UNC13B: variants seen among roughly 807,000 people sequenced by gnomAD.
UNC13B encodes protein unc-13 homolog B.
UNC13B carries 144 observed loss-of-function variants against 211.0 expected under a neutral mutation model. The ratio of observed to expected loss-of-function variants is 0.68; its 90% CI spans 0.60 to 0.78. The LOEUF is 0.78. UNC13B is among the 30% of genes least tolerant of loss of function. The probability of loss-of-function intolerance (pLI) is 0.00; values close to 1 mark genes in which losing one functional copy is unlikely to be tolerated. For synonymous variants in UNC13B, 709 were observed against 725.8 expected, an observed-to-expected ratio of 0.98 and a Z score of 0.37; for missense variants, 1,777 against 2,002.0, an observed-to-expected ratio of 0.89 and a Z score of 2.14.
At chr9:35,246,654 T>C (rs1216589135) in intron 6 of UNC13B, among the ~76,000 whole-genome samples, 2 of 152,358 alleles carry the variant, frequency 1.3e-5, no homozygotes, top group Middle Eastern at 3.4e-3. Context: ...AAAGATCAGA[T>C]GGTTGTAGAT....
At chr9:35,327,004 C>G (rs537531893) in intron 11 of UNC13B, among the ~76,000 whole-genome samples, 5 of 152,270 alleles carry the variant, frequency 3.3e-5, no homozygotes, top group Admixed American at 2.6e-4. Flanking sequence ...TTCTCCTACT[C>G]CTGTTCCTTT....
chr9:35,241,596 C>CA (rs777824853), intron 5 of UNC13B, among the ~76,000 whole-genome samples: 5 of 136,106 alleles, frequency 3.7e-5, no homozygotes, highest in African/African-American at 1.3e-4. Flanking sequence ...CACACACACA[C>CA]CACCATCTTC....
chr9:35,227,183 A>G (rs138565770), intron 1 of UNC13B, among the ~76,000 whole-genome samples: 6 of 152,346 alleles, frequency 3.9e-5, no homozygotes, highest in African/African-American at 1.2e-4. Context: ...CCTGTCTGAA[A>G]ATGGAGAGGA....
At chr9:35,396,963 G>A (rs756413345) in intron 28 of UNC13B, 26 bp downstream of exon 28, 21 of 1,613,140 alleles carry the variant, frequency 1.3e-5, no homozygotes, top group Admixed American at 6.7e-5. Context: ...TGGCTGCACC[G>A]GGTTCAGGCC....
intron 11 of UNC13B, among the ~76,000 whole-genome samples, chr9:35,326,101 AG>A (rs1201033204): frequency 6.6e-6 from 1 of 152,158 alleles, no homozygotes; most frequent in Non-Finnish European, 1.5e-5. Context: ...GCAGTGTATG[AG>A]GGTTTCATTT....
chr9:35,262,874 A>C (rs1229661867), intron 7 of UNC13B, among the ~76,000 whole-genome samples: 1 of 151,950 alleles, frequency 6.6e-6, no homozygotes, highest in Non-Finnish European at 1.5e-5. Flanking sequence ...TTGAGGCTGC[A>C]GTGAGCCGTG....
intron 11 of UNC13B, among the ~76,000 whole-genome samples, chr9:35,362,772 C>A (rs982850934): frequency 6.7e-6 from 1 of 149,214 alleles, no homozygotes; most frequent in Non-Finnish European, 1.5e-5. Flanking sequence ...TGCACTCTAG[C>A]CTGGGCAATA....
chr9:35,371,671 T>G (rs1834134751), intron 13 of UNC13B, among the ~76,000 whole-genome samples: 1 of 152,186 alleles, frequency 6.6e-6, no homozygotes, highest in Non-Finnish European at 1.5e-5. Flanking sequence ...AAGTATCTAG[T>G]TTATTTCTTG....
In UNC13B at chr9:35,300,432, A is replaced by T. The variant is rs1829616955; in HGVS notation, c.1028A>T (p.Asp343Val). 1 of 399,018 alleles carries T rather than the reference A, an allele frequency of 2.5e-6. No homozygotes were observed. Among genetic ancestry groups the T allele is most frequent in the Non-Finnish European group, 4.4e-6 (1 of 226,034 alleles). 24.7% of individuals were successfully genotyped at this position (399,018 alleles called of 1,614,324 possible). Residue 343 changes from aspartate to valine, a missense_variant, in exon 9 of 40, where the codon GAT (aspartate) becomes GTT (valine). Transcript: ENST00000635942. Reference protein sequence around the residue: ...QRIKLESHDYDLSSCLRHCEK... With the variant: ...QRIKLESHDYVLSSCLRHCEK... ...ATTAAGTTGGAAAGTCATGATTATG[A>T]TCTGTCCAGTTGTTTAAGGCACTGT...
intron 20 of UNC13B, 48 bp downstream of exon 20, chr9:35,381,767 G>C: frequency 6.3e-7 from 1 of 1,593,522 alleles, no homozygotes; most frequent in Non-Finnish European, 8.6e-7. Context: ...TCACTGGGGT[G>C]GCTAATTAAG....
intron 26 of UNC13B, among the ~76,000 whole-genome samples, chr9:35,394,144 G>A (rs946505234): frequency 1.3e-5 from 2 of 152,146 alleles, no homozygotes; most frequent in African/African-American, 2.4e-5. Flanking sequence ...ATTTAACTGG[G>A]TATGAATAAA....
intron 6 of UNC13B, among the ~76,000 whole-genome samples, chr9:35,247,472 A>G (rs1422126630): frequency 2.6e-5 from 4 of 152,240 alleles, no homozygotes; most frequent in African/African-American, 4.8e-5. Flanking sequence ...CCCATTCAGT[A>G]TGATATTGGC....
intron 1 of UNC13B, among the ~76,000 whole-genome samples, chr9:35,202,680 T>G (rs189838564): frequency 2.0e-5 from 3 of 152,336 alleles, no homozygotes; most frequent in African/African-American, 7.2e-5. Context: ...ACCTTTGCTT[T>G]TTTTTGTTTT....
In UNC13B at chr9:35,302,729, G is replaced by T. The variant is rs899124470; in HGVS notation, c.3325G>T (p.Ala1109Ser). Reference sequence around the variant, plus strand: ...TCTTATACAAGCAGCATCTTCAGTAGCATCAGACTCTTCATTAGAGTGTAT... The same window carrying T: ...TCTTATACAAGCAGCATCTTCAGTATCATCAGACTCTTCATTAGAGTGTAT... ...KNLIQAASSV[A>S]SDSSLECIST... is the part of the protein sequence containing the mutation. The change falls in exon 9 of 40, where the codon GCA becomes TCA. Residue 1109 changes from alanine to serine, a missense_variant. Transcript: ENST00000635942. 30 of 398,486 alleles carry T rather than the reference G, an allele frequency of 7.5e-5. No homozygotes were observed. The highest frequency in any genetic ancestry group is 1.2e-4 in the Non-Finnish European group (26 of 225,744). 24.7% of individuals were successfully genotyped at this position (398,486 alleles called of 1,614,324 possible). A position where few individuals can be genotyped will look rare whatever the true frequency, so the allele number is the denominator to read the frequency against.
intron 11 of UNC13B, chr9:35,351,764 C>G (rs934979715): frequency 2.4e-5 from 30 of 1,232,158 alleles, no homozygotes; most frequent in Non-Finnish European, 3.0e-5. Context: ...CTTTGGGCAG[C>G]AGAACAACAG....
chr9:35,182,876 A>G (rs1440310370), intron 1 of UNC13B, among the ~76,000 whole-genome samples: 1 of 152,174 alleles, frequency 6.6e-6, no homozygotes, highest in Non-Finnish European at 1.5e-5. Context: ...ACTTCTTTCT[A>G]CACAGACACA....
intron 7 of UNC13B, among the ~76,000 whole-genome samples, chr9:35,282,269 C>G (rs1287543149): frequency 6.6e-6 from 1 of 152,152 alleles, no homozygotes; most frequent in Non-Finnish European, 1.5e-5. Context: ...ATCACAACCC[C>G]CTCTTCCCTA....
At chr9:35,365,410 C>T (rs543257725) in intron 11 of UNC13B, among the ~76,000 whole-genome samples, 1 of 152,314 alleles carries the variant, frequency 6.6e-6, no homozygotes, top group African/African-American at 2.4e-5. Flanking sequence ...AGGAAATGTG[C>T]ATGATCTGAG....
At chr9:35,276,125 A>C (rs1828161313) in intron 7 of UNC13B, among the ~76,000 whole-genome samples, 1 of 151,828 alleles carries the variant, frequency 6.6e-6, no homozygotes, top group African/African-American at 2.4e-5. Context: ...GAGCAACATG[A>C]TGAAACCCGA....
Sources: allele counts gnomAD v4.1 joint callset (sites outside exome capture counted in the v4.1 genomes callset), GRCh38; gene constraint gnomAD v4.1.1; transcripts MANE v1.5; gene names NCBI Gene and HGNC (gene_info 2026-07-23, HGNC 2026-07-21).